The following LRRC1 variants were observed in gnomAD, a reference collection of about 807,000 sequenced individuals.
LRRC1 encodes leucine-rich repeat-containing protein 1.
In LRRC1, 28 loss-of-function variants were observed where a neutral mutation model predicts 69.9. The ratio of observed to expected loss-of-function variants is 0.40; its 90% CI spans 0.30 to 0.55. The LOEUF is 0.55. Among genes scored for constraint, LRRC1 ranks in the 20% least tolerant of loss-of-function variants. LRRC1 has a pLI of 0.47. For missense variants in LRRC1, 498 were observed against 609.0 expected (o/e 0.82, Z 1.92); for synonymous variants, 236 against 240.2 (o/e 0.98, Z 0.16).
intron 4 of LRRC1, among the ~76,000 whole-genome samples, chr6:53,895,101 T>C (rs1285765356): frequency 6.6e-6 from 1 of 151,734 alleles, no homozygotes; most frequent in Non-Finnish European, 1.5e-5. Flanking sequence ...GTATTTTTAG[T>C]AGAGATGGGG....
intron 1 of LRRC1, among the ~76,000 whole-genome samples, chr6:53,841,657 G>A (rs1765794179): frequency 2.0e-5 from 3 of 151,182 alleles, no homozygotes; most frequent in African/African-American, 7.3e-5. Flanking sequence ...CACATTTGTG[G>A]GATATTTATT....
chr6:53,914,423 T>C (rs1768504627), intron 11 of LRRC1, among the ~76,000 whole-genome samples: 1 of 152,180 alleles, frequency 6.6e-6, no homozygotes, highest in Non-Finnish European at 1.5e-5. Context: ...CTGAACCCCC[T>C]GAAAATACAA....
At chr6:53,879,511 C>T (rs1767193912) in intron 3 of LRRC1, among the ~76,000 whole-genome samples, 2 of 152,146 alleles carry the variant, frequency 1.3e-5, no homozygotes, top group South Asian at 2.1e-4. Context: ...ATCTCGATCT[C>T]CTGACCTCGT....
intron 10 of LRRC1, among the ~76,000 whole-genome samples, chr6:53,909,559 A>G (rs976118463): frequency 3.3e-5 from 5 of 151,654 alleles, no homozygotes; most frequent in Admixed American, 1.3e-4. Flanking sequence ...CTGTGCATGT[A>G]TGTTTAGTTT....
intron 13 of LRRC1, among the ~76,000 whole-genome samples, chr6:53,920,987 A>G (rs528690998): frequency 3.3e-5 from 5 of 151,030 alleles, no homozygotes; most frequent in East Asian, 1.9e-4. Flanking sequence ...TTCTTTTTTG[A>G]GACAGAGTCT....
At chr6:53,906,135 CT>C (rs1485465108) in intron 10 of LRRC1, among the ~76,000 whole-genome samples, 6 of 152,154 alleles carry the variant, frequency 3.9e-5, no homozygotes, top group African/African-American at 7.2e-5. Context: ...CTTACAACAG[CT>C]TTTGCAGTCA....
intron 1 of LRRC1, among the ~76,000 whole-genome samples, chr6:53,805,609 G>C (rs922697477): frequency 1.3e-5 from 2 of 152,110 alleles, no homozygotes; most frequent in African/African-American, 4.8e-5. Flanking sequence ...TTGTACTTCA[G>C]TTTATTCATC....
intron 2 of LRRC1, among the ~76,000 whole-genome samples, chr6:53,850,062 C>CTTTT (rs11408594): frequency 1.3e-4 from 19 of 145,264 alleles, no homozygotes; most frequent in African/African-American, 4.0e-4. Context: ...AATAAGATTT[C>CTTTT]TTTTTTTTTT....
At chr6:53,915,613 A>G (rs1279006170) in intron 11 of LRRC1, among the ~76,000 whole-genome samples, 1 of 152,220 alleles carries the variant, frequency 6.6e-6, no homozygotes, top group South Asian at 2.1e-4. Flanking sequence ...GATGGCTGTG[A>G]TGCCGAAAAA....
chr6:53,870,578 G>A (rs1766850123), intron 2 of LRRC1, among the ~76,000 whole-genome samples: 1 of 152,116 alleles, frequency 6.6e-6, no homozygotes, highest in Admixed American at 6.5e-5. Context: ...ACAGTGCATA[G>A]TGATCAAATC....
intron 1 of LRRC1, among the ~76,000 whole-genome samples, chr6:53,805,100 G>A (rs909376365): frequency 1.3e-5 from 2 of 151,992 alleles, no homozygotes; most frequent in Non-Finnish European, 2.9e-5. Flanking sequence ...AAAAGGCCTC[G>A]GGTAGGCTTT....
chr6:53,872,752 C>CTTTTT (rs537186693), intron 2 of LRRC1, among the ~76,000 whole-genome samples: 6 of 106,398 alleles, frequency 5.6e-5, no homozygotes, highest in Admixed American at 2.0e-4. Context: ...TTTCTTTTCT[C>CTTTTT]TTTTTTTTTT....
chr6:53,864,862 C>T (rs1284204024), intron 2 of LRRC1, among the ~76,000 whole-genome samples: 2 of 152,158 alleles, frequency 1.3e-5, no homozygotes, highest in African/African-American at 2.4e-5. Flanking sequence ...GTGACACCAG[C>T]TGTCAGGTGA....
At chr6:53,839,783 A>G (rs1337293228) in intron 1 of LRRC1, among the ~76,000 whole-genome samples, 5 of 152,114 alleles carry the variant, frequency 3.3e-5, no homozygotes, top group African/African-American at 1.2e-4. Context: ...ATGATTATAT[A>G]TTCTTTCACT....
intron 2 of LRRC1, 115 bp from the exon 3 acceptor site, chr6:53,878,878 G>A: frequency 1.6e-6 from 1 of 628,426 alleles, no homozygotes; most frequent in Non-Finnish European, 2.8e-6. Context: ...TCTAGGTCAT[G>A]TTTGAATGGA....
At chr6:53,861,963 C>G (rs3935663) in intron 2 of LRRC1, among the ~76,000 whole-genome samples, 1 of 152,028 alleles carries the variant, frequency 6.6e-6, no homozygotes, top group Non-Finnish European at 1.5e-5. Context: ...GAATTCATGC[C>G]GAAAGAGTGA....
At chr6:53,859,955 G>C (rs1044980805) in intron 2 of LRRC1, among the ~76,000 whole-genome samples, 2 of 152,198 alleles carry the variant, frequency 1.3e-5, no homozygotes, top group Non-Finnish European at 2.9e-5. Context: ...CATAGCCAAT[G>C]ACCAAGAGAA....
chr6:53,823,531 A>G (rs1279218046), intron 1 of LRRC1, among the ~76,000 whole-genome samples: 3 of 152,110 alleles, frequency 2.0e-5, no homozygotes, highest in Non-Finnish European at 2.9e-5. Flanking sequence ...TCAAGGGTAC[A>G]TGTGCAGGTT....
chr6:53,894,581 A>G (rs1379992369), intron 4 of LRRC1, among the ~76,000 whole-genome samples: 1 of 152,226 alleles, frequency 6.6e-6, no homozygotes, highest in Non-Finnish European at 1.5e-5. Flanking sequence ...TGACAATCCT[A>G]ACATTCATTT....
Sources: allele counts gnomAD v4.1 joint callset (sites outside exome capture counted in the v4.1 genomes callset), GRCh38; gene constraint gnomAD v4.1.1; transcripts MANE v1.5; gene names NCBI Gene and HGNC (gene_info 2026-07-23, HGNC 2026-07-21).